The following ESPNL variants were observed in gnomAD, a reference collection of about 807,000 sequenced individuals.
ESPNL encodes espin-like protein.
A neutral mutation model predicts 46.8 loss-of-function variants in ESPNL; 49 were observed. That is an observed-to-expected ratio of 1.05 (90% CI 0.83 to 1.33). ESPNL has a LOEUF of 1.33. ESPNL is among the 40% of genes most tolerant of loss of function. The pLI, the probability that ESPNL is intolerant of heterozygous loss-of-function variation, is 0.00. For synonymous variants in ESPNL, 664 were observed against 662.1 expected, an observed-to-expected ratio of 1.00 and a Z score of -0.04; for missense variants, 1,540 against 1,436.6, an observed-to-expected ratio of 1.07 and a Z score of -1.16.
At chr2:238,106,444 C>T (rs1344311587) in intron 3 of ESPNL, among the ~76,000 whole-genome samples, 1 of 152,226 alleles carries the variant, frequency 6.6e-6, no homozygotes, top group Non-Finnish European at 1.5e-5. Context: ...GAATTGGCCT[C>T]TAGCCTCCCT....
At chr2:238,104,962 C>A in intron 3 of ESPNL, 120 bp downstream of exon 3, 1 of 895,766 alleles carries the variant, frequency 1.1e-6, no homozygotes, top group Non-Finnish European at 1.6e-6. Flanking sequence ...GCTGTTGGGG[C>A]ATCCGATGAG....
Position 238,130,241 on chromosome 2 carries a change from C to T in ESPNL, c.1527C>T (p.Tyr509=). The T allele has an allele frequency of 6.2e-7, 1 of 1,611,000 alleles. No homozygotes were observed. Among genetic ancestry groups the T allele is most frequent in the Non-Finnish European group, 8.5e-7 (1 of 1,179,138 alleles). Reference sequence around the variant, plus strand: ...TGCTGACAGAGGATGACCTGGTCTACCTGGAGAAGCAGATTGCAGACCTGC... The same window carrying T: ...TGCTGACAGAGGATGACCTGGTCTATCTGGAGAAGCAGATTGCAGACCTGC... ...GELLTEDDLV[Y]LEKQIADLQL... is the part of the protein sequence containing the mutation. The change falls in exon 9 of 9, where the codon TAC becomes TAT. Residue 509 remains tyrosine, a synonymous_variant. Coordinates refer to ENST00000343063, the MANE Select transcript of ESPNL (RefSeq NM_194312.4).
Position 238,103,391 on chromosome 2 carries a change from T to C in ESPNL, c.485+1260T>C, listed in dbSNP as rs147827734. On this transcript the variant is annotated intron_variant, in intron 2 of 8. Transcript: ENST00000343063. ...TTGCAGTAAGCTGGGATTGTGCCACTGCACTCCAGCCTGGGCGATAGAGCA... is the reference window on the plus strand; with the variant it reads ...TTGCAGTAAGCTGGGATTGTGCCACCGCACTCCAGCCTGGGCGATAGAGCA... 1.8e-3 allele frequency among the ~76,000 whole-genome samples: 280 copies of C among 152,226 alleles called. 1 individual carries two copies. Among genetic ancestry groups the C allele is most frequent in the African/African-American group, 6.4e-3 (264 of 41,520 alleles).
chr2:238,128,906 T>A lies in ESPNL; in HGVS notation c.1413+2T>A. On this transcript the variant is annotated splice_donor_variant, in intron 8 of 8. Transcript: ENST00000343063. LOFTEE classifies it high-confidence loss of function. ...GCAGAGAGCTCCGCAGAGGCCCAGG[T>A]AGGCCCCCGGCAGGGGCGGGACCAG... 6.5e-7 allele frequency: 1 copy of A among 1,536,632 alleles called. No individual in the cohort carries two copies. The highest frequency in any genetic ancestry group is 8.7e-7 in the Non-Finnish European group (1 of 1,143,572).
chr2:238,119,537 T>G (rs1448612788), intron 5 of ESPNL, among the ~76,000 whole-genome samples: 10 of 63,662 alleles, frequency 1.6e-4, no homozygotes, highest in Admixed American at 3.4e-4. Flanking sequence ...ATGGAGGAGG[T>G]GGATGGAGGA....
At chr2:238,106,336 C>T (rs987194093) in intron 3 of ESPNL, among the ~76,000 whole-genome samples, 1 of 152,206 alleles carries the variant, frequency 6.6e-6, no homozygotes, top group Non-Finnish European at 1.5e-5. Flanking sequence ...GCCTGCTCAC[C>T]GTGTCCCCGG....
intron 6 of ESPNL, chr2:238,127,284 C>A (rs1692159873): frequency 9.9e-7 from 1 of 1,006,116 alleles, no homozygotes; most frequent in Non-Finnish European, 1.2e-6. Context: ...GGGAGCATTG[C>A]AGGCAGCAAG....
Position 238,100,488 on chromosome 2 carries a change from GGCTGGCGCC to G in ESPNL, c.70_78del (p.Ala24_Ala26del). ...TGGCGACGTTGGAGCGGCTGCTGGA[GGCTGGCGCC>G]CTGGGCCCGGGCATCACCGATGCTC... On this transcript the variant is annotated inframe_deletion, in exon 1 of 9. Transcript: ENST00000343063. The G allele has an allele frequency of 1.9e-6, 3 of 1,601,074 alleles. No homozygotes were observed. The South Asian group carries it at 3.4e-5, about 18-fold the overall frequency.
In ESPNL at chr2:238,120,058, C is replaced by CAGTCACTGTTGGA. The variant is rs1320980317; in HGVS notation, c.987+3031_987+3043dup. Among the ~76,000 whole-genome samples the CAGTCACTGTTGGA allele has an allele frequency of 4.7e-5, 7 of 148,978 alleles. No homozygotes were observed. The East Asian group carries it at 1.2e-3, about 26-fold the overall frequency. ...TGCAGCAGTTTCAGGAACTAGAATTCAGTCACTGTTGGAAGTCACGTATTT... is the reference window on the plus strand; with the variant it reads ...TGCAGCAGTTTCAGGAACTAGAATTCAGTCACTGTTGGAAGTCACTGTTGGAAGTCACGTATTT... On this transcript the variant is annotated intron_variant, in intron 5 of 8. Transcript: ENST00000343063.
chr2:238,117,075 G>C (rs1323157800), intron 5 of ESPNL, 41 bp downstream of exon 5: 2 of 1,577,640 alleles, frequency 1.3e-6, no homozygotes, highest in Admixed American at 1.8e-5. Flanking sequence ...GGCATGGGGG[G>C]TGGGCCCAGA....
intron 4 of ESPNL, among the ~76,000 whole-genome samples, chr2:238,115,498 C>T (rs1389155893): frequency 6.6e-6 from 1 of 152,224 alleles, no homozygotes; most frequent in East Asian, 1.9e-4. Flanking sequence ...CACTGGACTT[C>T]GCTGCCAGGC....
At chr2:238,129,003 A>G in intron 8 of ESPNL, 99 bp downstream of exon 8, 1 of 1,457,188 alleles carries the variant, frequency 6.9e-7, no homozygotes, top group Non-Finnish European at 9.0e-7. Context: ...AACTGAATCC[A>G]AGACCCAGGG....
At chr2:238,120,353 C>T (rs1456362409) in intron 5 of ESPNL, among the ~76,000 whole-genome samples, 1 of 152,130 alleles carries the variant, frequency 6.6e-6, no homozygotes, top group East Asian at 1.9e-4. Flanking sequence ...AGCAGCTCTG[C>T]AGGTGTCCCA....
At position 238,114,481 on chromosome 2, in the gene ESPNL, C is replaced by A. The variant is rs187848983; in HGVS notation, c.856-2422C>A. Reference sequence around the variant, plus strand: ...TGCCATTCCCCCAGCCCAGAGCCTCCGGGAGCAGTGCCTCTCTCCAGCGAC... The same window carrying A: ...TGCCATTCCCCCAGCCCAGAGCCTCAGGGAGCAGTGCCTCTCTCCAGCGAC... On this transcript the variant is annotated intron_variant, in intron 4 of 8. Transcript: ENST00000343063. This position sits in a 1 kb window ranked among gnomAD's most constrained non-coding sequence, Gnocchi z 5.0. Among the ~76,000 whole-genome samples, 1 of 152,168 alleles carries A rather than the reference C, an allele frequency of 6.6e-6. No homozygotes were observed. The highest frequency in any genetic ancestry group is 2.4e-5 in the African/African-American group (1 of 41,442).
At chr2:238,129,480 A>G (rs1042696958) in intron 8 of ESPNL, among the ~76,000 whole-genome samples, 1 of 152,028 alleles carries the variant, frequency 6.6e-6, no homozygotes, top group Admixed American at 6.5e-5. Flanking sequence ...CCTGGCATGG[A>G]GTGGGCGCCT....
rs764339336 is a variant in ESPNL at position 238,130,383 on chromosome 2, C to T, written c.1669C>T (p.Arg557Trp). Residue 557 changes from arginine (R) to tryptophan (W), a missense_variant, in exon 9 of 9, where the codon CGG becomes TGG. By Grantham distance (101) the Arg-to-Trp change is moderately radical (BLOSUM62 -3). Coordinates refer to ENST00000343063, the MANE Select transcript of ESPNL (RefSeq NM_194312.4). ...CACGGTCAACAGCCACTTCCTGCCC[C>T]GGGCGCCCGGACTGGAGGTTGAGGA... Reference protein sequence around the residue: ...SITVNSHFLPRAPGLEVEEAS... With the variant: ...SITVNSHFLPWAPGLEVEEAS... 157 of 1,610,648 alleles carry T rather than the reference C, an allele frequency of 9.7e-5. 1 individual carries two copies. The highest frequency in any genetic ancestry group is 1.1e-4 in the Non-Finnish European group (128 of 1,179,180).
At chr2:238,129,959 C>T (rs901411573) in intron 8 of ESPNL, among the ~76,000 whole-genome samples, 169 bp from the exon 9 acceptor site, 1 of 152,232 alleles carries the variant, frequency 6.6e-6, no homozygotes, top group Non-Finnish European at 1.5e-5. Flanking sequence ...GCAAGACGGG[C>T]AGAGCAGGTC....
intron 5 of ESPNL, 80 bp from the exon 6 acceptor site, chr2:238,125,190 C>T (rs1370050710): frequency 1.6e-6 from 1 of 613,438 alleles, no homozygotes; most frequent in Non-Finnish European, 2.8e-6. Flanking sequence ...GGCTCGTCCA[C>T]TGGGTGCCCC....
At chr2:238,119,104 GATGGATGGAGGAGAA>G (rs1691910415) in intron 5 of ESPNL, among the ~76,000 whole-genome samples, 1 of 122,520 alleles carries the variant, frequency 8.2e-6, no homozygotes, top group Non-Finnish European at 1.6e-5. Context: ...GATGGAAGAG[GATGGATGGAGGAGAA>G]GTGGATGAAG....
Sources: allele counts gnomAD v4.1 joint callset (sites outside exome capture counted in the v4.1 genomes callset), GRCh38; gene constraint gnomAD v4.1.1; non-coding constraint Gnocchi (gnomAD v3.1); transcripts MANE v1.5; gene names NCBI Gene and HGNC (gene_info 2026-07-23, HGNC 2026-07-21).